VPS54: variants seen among roughly 807,000 people sequenced by gnomAD.
The protein encoded by VPS54 is vacuolar protein sorting-associated protein 54.
VPS54 carries 45 observed loss-of-function variants against 121.5 expected under a neutral mutation model. The observed-to-expected ratio is 0.37, with a 90% CI of 0.29 to 0.47. The LOEUF (loss-of-function observed/expected upper bound fraction) is 0.47, where lower values mean the gene tolerates loss of function less well. VPS54 is among the 20% of genes least tolerant of loss of function. VPS54 has a pLI of 0.99. For synonymous variants in VPS54, 371 were observed against 385.8 expected (o/e 0.96, Z 0.45); for missense variants, 1,090 against 1,131.4 (o/e 0.96, Z 0.52).
chr2:63,911,097 T>A (rs976671268), intron 20 of VPS54, among the ~76,000 whole-genome samples: 1 of 152,178 alleles, frequency 6.6e-6, no homozygotes, highest in Non-Finnish European at 1.5e-5. Flanking sequence ...TCTAACCTTG[T>A]TAGATGGTAA....
At position 64,009,240 on chromosome 2, in the gene VPS54, A is replaced by G. The variant is rs761518529; in HGVS notation, c.-21+9698T>C. 3.9e-5 allele frequency among the ~76,000 whole-genome samples: 6 copies of G among 152,216 alleles called. No individual in the cohort carries two copies. The South Asian group carries it at 6.2e-4, about 16-fold the overall frequency. Reference sequence around the variant, plus strand: ...ACTTATGTTCATCTTCTATTGAATGATAGAAATAATTAACATCTAATTGTG... The same window carrying G: ...ACTTATGTTCATCTTCTATTGAATGGTAGAAATAATTAACATCTAATTGTG... On this transcript the variant is annotated intron_variant, in intron 1 of 22. Transcript: ENST00000272322.
At chr2:63,993,294 C>T (rs1170114274) in intron 1 of VPS54, among the ~76,000 whole-genome samples, 1 of 152,206 alleles carries the variant, frequency 6.6e-6, no homozygotes, top group Non-Finnish European at 1.5e-5. Flanking sequence ...TATGCACTAA[C>T]TTGTTTTCTA....
intron 20 of VPS54, among the ~76,000 whole-genome samples, chr2:63,909,278 A>T (rs1320453027): frequency 6.6e-6 from 1 of 152,222 alleles, no homozygotes; most frequent in African/African-American, 2.4e-5. Context: ...ATACTGAACA[A>T]AACAGTTTAT....
At position 63,920,408 on chromosome 2, in the gene VPS54, G is replaced by GA. The variant is rs780218499; in HGVS notation, c.2051+37dup. 16 of 1,417,022 alleles carry GA rather than the reference G, an allele frequency of 1.1e-5. No homozygotes were observed. In the South Asian group the frequency reaches 1.3e-4, roughly 11 times the overall value. The allele number at this position is 1,417,022 out of a possible 1,614,324, so 87.8% of individuals were successfully genotyped here. A position where few individuals can be genotyped will look rare whatever the true frequency, so the allele number is the denominator to read the frequency against. On this transcript the variant is annotated intron_variant, in intron 14 of 22. Coordinates refer to ENST00000272322, the MANE Select transcript of VPS54 (RefSeq NM_016516.3). ...ATAACTGTGTTTCACAAAGAAAAATGAAAAAATCAAACAACAGAATGGACA... is the reference window on the plus strand; with the variant it reads ...ATAACTGTGTTTCACAAAGAAAAATGAAAAAAATCAAACAACAGAATGGACA...
In VPS54 at chr2:63,947,489, T is replaced by C. The variant is rs772997757; in HGVS notation, c.1139A>G (p.Glu380Gly). ...TCCAAATACAAGAGATATTAGTCTT[T>C]CCTGTTAAAATAAAAGTATGTAACT... Reference protein sequence around the residue: ...LEDDCQVLEEERLISLVFGLL... With the variant: ...LEDDCQVLEEGRLISLVFGLL... The change falls in exon 9 of 23, where the codon GAA becomes GGA. Residue 380 changes from glutamate to glycine, a missense_variant and splice_region_variant. Physicochemically the swap from Glu to Gly is moderately conservative, Grantham distance 98 (BLOSUM62 -2). Transcript: ENST00000272322. The C allele has an allele frequency of 2.0e-6, 3 of 1,497,314 alleles. No individual in the cohort carries two copies. The highest frequency in any genetic ancestry group is 2.7e-6 in the Non-Finnish European group (3 of 1,105,488). 92.8% of individuals were successfully genotyped at this position (1,497,314 alleles called of 1,614,324 possible).
chr2:64,014,983 T>C (rs1422656926), intron 1 of VPS54, among the ~76,000 whole-genome samples: 1 of 152,138 alleles, frequency 6.6e-6, no homozygotes, highest in Non-Finnish European at 1.5e-5. Context: ...CATTATAAGC[T>C]TGGAATTTTT....
rs149165977 is a variant in VPS54, at chr2:63,947,473, A to G, written c.1155T>C (p.Leu385=). 2.0e-4 allele frequency: 311 copies of G among 1,523,840 alleles called. 3 individuals are homozygous for G. The African/African-American group carries it at 3.7e-3, about 18-fold the overall frequency. 94.4% of individuals were successfully genotyped at this position (1,523,840 alleles called of 1,614,324 possible). A position where few individuals can be genotyped will look rare whatever the true frequency, so the allele number is the denominator to read the frequency against. ...TTCTTTGTTTTAAAAGTCCAAATAC[A>G]AGAGATATTAGTCTTTCCTGTTAAA... ...QVLEEERLIS[L]VFGLLKQRKL... The change falls in exon 9 of 23, where the codon CTT becomes CTC. Residue 385 remains leucine, a synonymous_variant. Transcript: ENST00000272322.
chr2:63,926,939 C>T (rs1324411969), intron 12 of VPS54, among the ~76,000 whole-genome samples: 1 of 152,056 alleles, frequency 6.6e-6, no homozygotes, highest in Non-Finnish European at 1.5e-5. Flanking sequence ...GGGGGAGAGG[C>T]GTCTGCCATT....
At chr2:63,943,726 T>TCTTTC (rs1674844555) in intron 10 of VPS54, among the ~76,000 whole-genome samples, 3 of 115,764 alleles carry the variant, frequency 2.6e-5, no homozygotes, top group African/African-American at 3.8e-5. Context: ...TTTCTTTCTT[T>TCTTTC]CTTTTTTTTT....
At chr2:63,953,355 G>C (rs1675345794) in intron 7 of VPS54, among the ~76,000 whole-genome samples, 1 of 151,832 alleles carries the variant, frequency 6.6e-6, no homozygotes, top group South Asian at 2.1e-4. Flanking sequence ...CTGGTTTTGA[G>C]CTCCTGACCT....
intron 16 of VPS54, among the ~76,000 whole-genome samples, chr2:63,914,746 C>T (rs1033620357): frequency 2.6e-5 from 4 of 151,752 alleles, no homozygotes; most frequent in Non-Finnish European, 5.9e-5. Flanking sequence ...TGAAGAAAAC[C>T]TAGTCCAGAT....
chr2:63,938,745 G>A (rs1416811573), intron 11 of VPS54, among the ~76,000 whole-genome samples: 1 of 152,158 alleles, frequency 6.6e-6, no homozygotes, highest in Non-Finnish European at 1.5e-5. Context: ...GATTACAGGC[G>A]TGAGCCACCA....
intron 12 of VPS54, among the ~76,000 whole-genome samples, chr2:63,926,478 A>G (rs1336996918): frequency 1.3e-5 from 2 of 152,196 alleles, no homozygotes; most frequent in Non-Finnish European, 2.9e-5. Flanking sequence ...CTCCAGGACC[A>G]TAAGTTGATT....
At chr2:63,952,572 A>G (rs921422022) in intron 7 of VPS54, among the ~76,000 whole-genome samples, 2 of 152,212 alleles carry the variant, frequency 1.3e-5, no homozygotes, top group Non-Finnish European at 2.9e-5. Flanking sequence ...GGGTAGATGC[A>G]TTATTCTTGT....
Position 63,912,331 on chromosome 2 carries a change from C to G in VPS54, c.2625+14G>C. On this transcript the variant is annotated intron_variant, in intron 20 of 22. Coordinates refer to ENST00000272322, the MANE Select transcript of VPS54 (RefSeq NM_016516.3). ...GTCTTTGAACAAAGTCTAATAATTT[C>G]TATAAATCATTACCTTAGATAACAG... 6.3e-7 allele frequency: 1 copy of G among 1,582,808 alleles called. No homozygotes were observed. Among genetic ancestry groups the G allele is most frequent in the East Asian group, 2.2e-5 (1 of 44,548 alleles).
At chr2:63,934,053 G>A (rs1445719297) in intron 11 of VPS54, 40 bp from the exon 12 acceptor site, 2 of 1,539,526 alleles carry the variant, frequency 1.3e-6, no homozygotes, top group African/African-American at 1.4e-5. Flanking sequence ...GACGTAAAAT[G>A]TCTCTTACCT....
chr2:63,931,018 CACAA>C lies in VPS54; in HGVS notation c.1739+2651_1739+2654del, dbSNP rs761477417. On this transcript the variant is annotated intron_variant, in intron 12 of 22. Coordinates refer to ENST00000272322, the MANE Select transcript of VPS54 (RefSeq NM_016516.3). ...CACTGCTCAAGGAAATAAGAGAGGA[CACAA>C]ACAAATGGAAAAACATTCCATGCTC... Among the ~76,000 whole-genome samples the C allele has an allele frequency of 2.3e-3, 356 of 152,258 alleles. 2 individuals are homozygous for C. The highest frequency in any genetic ancestry group is 3.5e-3 in the Non-Finnish European group (240 of 68,004).
At chr2:63,998,457 T>A (rs1282085895) in intron 1 of VPS54, among the ~76,000 whole-genome samples, 3 of 152,190 alleles carry the variant, frequency 2.0e-5, no homozygotes, top group African/African-American at 7.2e-5. Flanking sequence ...TTTTTTGTTT[T>A]CTGGTTGTTT....
chr2:63,984,752 G>A (rs762436901), intron 1 of VPS54, among the ~76,000 whole-genome samples: 31 of 152,158 alleles, frequency 2.0e-4, no homozygotes, highest in Non-Finnish European at 2.6e-4. Context: ...ACATTTTAAA[G>A]TAAATACTGA....
Sources: allele counts gnomAD v4.1 joint callset (sites outside exome capture counted in the v4.1 genomes callset), GRCh38; gene constraint gnomAD v4.1.1; transcripts MANE v1.5; gene names NCBI Gene and HGNC (gene_info 2026-07-23, HGNC 2026-07-21).